TBC1D8: variants seen among roughly 807,000 people sequenced by gnomAD.
The protein encoded by TBC1D8 is BUB2-like protein 1.
A neutral mutation model predicts 118.8 loss-of-function variants in TBC1D8; 65 were observed. The ratio of observed to expected loss-of-function variants is 0.55; its 90% CI spans 0.45 to 0.67. The LOEUF (loss-of-function observed/expected upper bound fraction) is 0.67. TBC1D8 is among the 30% of genes least tolerant of loss of function. The pLI, the probability that TBC1D8 is intolerant of heterozygous loss-of-function variation, is 0.00. For missense variants in TBC1D8, 1,376 were observed against 1,471.2 expected (o/e 0.94, Z 1.06); for synonymous variants, 566 against 595.8 (o/e 0.95, Z 0.73).
chr2:101,122,247 T>C (rs1427596522), intron 1 of TBC1D8, among the ~76,000 whole-genome samples: 1 of 150,998 alleles, frequency 6.6e-6, no homozygotes, highest in Non-Finnish European at 1.5e-5. Context: ...AATTTTTGTA[T>C]TTTTTAGTAG....
rs1261589654 is a variant in TBC1D8, at chr2:101,007,561, T to C, written c.*260A>G. The C allele has an allele frequency of 2.1e-6, 1 of 472,252 alleles. No homozygotes were observed. Among genetic ancestry groups the C allele is most frequent in the Non-Finnish European group, 3.8e-6 (1 of 263,562 alleles). The allele number at this position is 472,252 out of a possible 1,614,324, so 29.3% of individuals were successfully genotyped here. Reference sequence around the variant, plus strand: ...ATCAACACTAGCATCACAGCAGAAGTGCCCATTTCAGCAAATCCGGTAAAA... The same window carrying C: ...ATCAACACTAGCATCACAGCAGAAGCGCCCATTTCAGCAAATCCGGTAAAA... On this transcript the variant is annotated 3_prime_UTR_variant, in exon 20 of 20. Coordinates refer to ENST00000409318, the MANE Select transcript of TBC1D8 (RefSeq NM_001330348.2).
intron 1 of TBC1D8, among the ~76,000 whole-genome samples, chr2:101,110,358 T>C (rs768330184): frequency 2.0e-5 from 3 of 152,136 alleles, no homozygotes; most frequent in African/African-American, 7.2e-5. Context: ...AATAGTACCA[T>C]AGCACAATAA....
At chr2:101,139,424 C>G (rs1679004355) in intron 1 of TBC1D8, among the ~76,000 whole-genome samples, 1 of 152,214 alleles carries the variant, frequency 6.6e-6, no homozygotes, top group South Asian at 2.1e-4. Flanking sequence ...CGCTCCCACG[C>G]CACATCTGCC....
intron 1 of TBC1D8, among the ~76,000 whole-genome samples, chr2:101,127,222 G>T (rs1678394805): frequency 6.6e-6 from 1 of 152,044 alleles, no homozygotes; most frequent in South Asian, 2.1e-4. Flanking sequence ...TGTAATCCCA[G>T]CTACTTGGGA....
rs181877733 is a variant in TBC1D8 at position 101,042,102 on chromosome 2, A to G, written c.873-1717T>C. 8.2e-4 allele frequency among the ~76,000 whole-genome samples: 125 copies of G among 152,182 alleles called. 1 individual carries two copies. Among genetic ancestry groups the G allele is most frequent in the Non-Finnish European group, 5.4e-4 (37 of 68,006 alleles). On this transcript the variant is annotated intron_variant, in intron 5 of 19. Coordinates refer to ENST00000409318, the MANE Select transcript of TBC1D8 (RefSeq NM_001330348.2). ...CATTAGTTATTATTATTATCTTTTT[A>G]AAAATATATATTTTAAGAATCCAGG...
chr2:101,107,258 A>T (rs922075267), intron 1 of TBC1D8, among the ~76,000 whole-genome samples: 1 of 152,188 alleles, frequency 6.6e-6, no homozygotes, highest in Admixed American at 6.5e-5. Flanking sequence ...GGGTTACTGC[A>T]ATGGTTAATT....
chr2:101,054,159 A>C lies in TBC1D8; in HGVS notation c.580T>G (p.Tyr194Asp). Residue 194 changes from tyrosine to aspartate, a missense_variant, in exon 4 of 20, where the codon TAC (tyrosine) becomes GAC (aspartate). By Grantham distance (160) the Tyr-to-Asp change is radical. Coordinates refer to ENST00000409318, the MANE Select transcript of TBC1D8 (RefSeq NM_001330348.2). ...AAGCAGAGGTGGTTGATGCTGAGGT[A>C]CAGCCAGCCCTGGCGGGGCACCCTG... ...KGRVPRQGWL[Y>D]LSINHLCFYS... 3.1e-6 allele frequency: 5 copies of C among 1,613,724 alleles called. No individual in the cohort carries two copies. The highest frequency in any genetic ancestry group is 1.3e-5 in the African/African-American group (1 of 75,056).
intron 1 of TBC1D8, among the ~76,000 whole-genome samples, chr2:101,127,585 T>A (rs1678407656): frequency 1.3e-5 from 2 of 152,148 alleles, no homozygotes; most frequent in South Asian, 4.1e-4. Context: ...TTGCCCAGGC[T>A]GGAGTGCAGC....
At chr2:101,044,429 T>C (rs1406547066) in intron 5 of TBC1D8, among the ~76,000 whole-genome samples, 1 of 152,240 alleles carries the variant, frequency 6.6e-6, no homozygotes, top group Admixed American at 6.5e-5. Context: ...GATGTTAGTT[T>C]TGATGCTAAA....
intron 17 of TBC1D8, among the ~76,000 whole-genome samples, chr2:101,020,324 A>AGAT (rs10553891): frequency 3.4e-4 from 52 of 151,866 alleles, no homozygotes; most frequent in East Asian, 2.3e-3. Flanking sequence ...AACTATGGAA[A>AGAT]GATGATGATG....
intron 1 of TBC1D8, among the ~76,000 whole-genome samples, chr2:101,111,721 GA>G (rs1017533426): frequency 2.0e-5 from 3 of 152,324 alleles, no homozygotes; most frequent in Non-Finnish European, 2.9e-5. Context: ...ACAGGAGGGA[GA>G]AATTGGTTTG....
At chr2:101,011,247 T>C in intron 18 of TBC1D8, 1 of 690,152 alleles carries the variant, frequency 1.4e-6, no homozygotes. Context: ...AGGAAGGAAC[T>C]TGGTGGTGGG....
intron 8 of TBC1D8, among the ~76,000 whole-genome samples, chr2:101,037,225 G>C (rs868547788): frequency 6.6e-6 from 1 of 152,226 alleles, no homozygotes; most frequent in Non-Finnish European, 1.5e-5. Context: ...GGGGCACACA[G>C]ACAGCACTGG....
At chr2:101,102,281 C>T (rs1676893360) in intron 1 of TBC1D8, among the ~76,000 whole-genome samples, 1 of 151,640 alleles carries the variant, frequency 6.6e-6, no homozygotes, top group Non-Finnish European at 1.5e-5. Flanking sequence ...TGGTGAAACC[C>T]CATCTCTACT....
chr2:101,036,358 T>G (rs187465515), intron 8 of TBC1D8, among the ~76,000 whole-genome samples, 190 bp from the exon 9 acceptor site: 2 of 152,226 alleles, frequency 1.3e-5, no homozygotes, highest in African/African-American at 4.8e-5. Context: ...GATGCAAAGA[T>G]GAATAACACA....
intron 2 of TBC1D8, among the ~76,000 whole-genome samples, chr2:101,065,634 C>T (rs973623197): frequency 6.6e-6 from 1 of 152,138 alleles, no homozygotes; most frequent in East Asian, 1.9e-4. Context: ...GATTTTCAGT[C>T]GGGTATATTT....
intron 2 of TBC1D8, among the ~76,000 whole-genome samples, chr2:101,080,777 G>C (rs186825458): frequency 6.7e-6 from 1 of 150,260 alleles, no homozygotes; most frequent in Non-Finnish European, 1.5e-5. Context: ...CCCAACTCTT[G>C]TACTCTCAAT....
At chr2:101,037,450 A>G in intron 8 of TBC1D8, 82 bp downstream of exon 8, 1 of 1,545,756 alleles carries the variant, frequency 6.5e-7, no homozygotes, top group Non-Finnish European at 8.7e-7. Flanking sequence ...GCCACGTTCC[A>G]TGGTGACTCA....
intron 5 of TBC1D8, among the ~76,000 whole-genome samples, chr2:101,045,290 T>C (rs959011964): frequency 4.6e-5 from 7 of 152,232 alleles, no homozygotes; most frequent in Non-Finnish European, 1.0e-4. Context: ...TCCAGAGTTA[T>C]ATTTGTCTCT....
Sources: allele counts gnomAD v4.1 joint callset (sites outside exome capture counted in the v4.1 genomes callset), GRCh38; gene constraint gnomAD v4.1.1; transcripts MANE v1.5; gene names NCBI Gene and HGNC (gene_info 2026-07-23, HGNC 2026-07-21).